GIPC1: variants seen among roughly 807,000 people sequenced by gnomAD.
The protein encoded by GIPC1 is GIPC PDZ domain containing family member 1.
In GIPC1, 15 loss-of-function variants were observed where a neutral mutation model predicts 28.5. That is an observed-to-expected ratio of 0.53 (90% confidence interval 0.35 to 0.81). The LOEUF (loss-of-function observed/expected upper bound fraction) is 0.81, where lower values mean the gene tolerates loss of function less well. GIPC1 is among the 30% of genes least tolerant of loss of function. GIPC1 has a pLI of 0.01. For missense variants in GIPC1, 439 were observed against 481.9 expected, an observed-to-expected ratio of 0.91 and a Z score of 0.83; for synonymous variants, 224 against 206.1, an observed-to-expected ratio of 1.09 and a Z score of -0.74.
In GIPC1 at chr19:14,482,984, G is replaced by T; in HGVS notation, c.-8C>A. On this transcript the variant is annotated 5_prime_UTR_variant, in exon 4 of 9. Coordinates refer to ENST00000393033, the MANE Select transcript of GIPC1 (RefSeq NM_005716.4). The stretch of plus-strand genomic sequence containing the variant: ...CCCCAGTCCCAGCGGCATGAGCAGC[G>T]AGAAGTGGGGTCACCAGAAGATCTG... 6.2e-7 allele frequency: 1 copy of T among 1,608,262 alleles called. No homozygotes were observed.
In GIPC1 at chr19:14,482,927, T is replaced by A; in HGVS notation, c.50A>T (p.Asn17Ile). Reference sequence around the variant, plus strand: ...TCCACGGCCTGGCTCAGCCTCCTCATTTTCCACTAGAGGGGGCGCCTTTTT... The same window carrying A: ...TCCACGGCCTGGCTCAGCCTCCTCAATTTCCACTAGAGGGGGCGCCTTTTT... ...RRKKAPPLVE[N>I]EEAEPGRGGL... The change falls in exon 4 of 9, where the codon AAT (asparagine) becomes ATT (isoleucine). Residue 17 changes from asparagine (N) to isoleucine (I), a missense_variant. By Grantham distance (149) the Asn-to-Ile change is moderately radical. Transcript: ENST00000393033. 6.2e-7 allele frequency: 1 copy of A among 1,610,714 alleles called. No individual in the cohort carries two copies. The highest frequency in any genetic ancestry group is 8.5e-7 in the Non-Finnish European group (1 of 1,179,240).
At position 14,479,474 on chromosome 19, in the gene GIPC1, G is replaced by T; in HGVS notation, c.706C>A (p.Leu236Met). ...AGGRPGSGPQ[L>M]GTGRGTLRLR... ...CGCAGGGTCCCTCGGCCAGTGCCCA[G>T]TTGTGGGCCAGAGCCAGGGCGGCCA... The change falls in exon 7 of 9, where the codon CTG (leucine) becomes ATG (methionine). Residue 236 changes from leucine (L) to methionine (M), a missense_variant. Coordinates refer to ENST00000393033, the MANE Select transcript of GIPC1 (RefSeq NM_005716.4). 6.9e-7 allele frequency: 1 copy of T among 1,444,222 alleles called. No individual in the cohort carries two copies. Among genetic ancestry groups the T allele is most frequent in the Non-Finnish European group, 9.1e-7 (1 of 1,102,064 alleles). 89.5% of individuals were successfully genotyped at this position (1,444,222 alleles called of 1,614,324 possible). A position where few individuals can be genotyped will look rare whatever the true frequency, so the allele number is the denominator to read the frequency against.
intron 3 of GIPC1, among the ~76,000 whole-genome samples, chr19:14,487,609 G>A (rs895119206): frequency 2.0e-5 from 3 of 151,844 alleles, no homozygotes; most frequent in African/African-American, 7.3e-5. Context: ...TCCAGAAGTG[G>A]ACAGTCCGGA....
intron 1 of GIPC1, among the ~76,000 whole-genome samples, chr19:14,494,887 C>G (rs2072044039): frequency 6.6e-6 from 1 of 152,034 alleles, no homozygotes; most frequent in Non-Finnish European, 1.5e-5. Flanking sequence ...CTGGGAAGGG[C>G]CTGAAACTTA....
rs538594867 is a variant in GIPC1 at position 14,490,747 on chromosome 19, G to A, written c.-31+909C>T. 6.2e-4 allele frequency among the ~76,000 whole-genome samples: 94 copies of A among 152,082 alleles called. 3 individuals carry two copies. The highest frequency in any genetic ancestry group is 2.2e-3 in the African/African-American group (90 of 41,484). On this transcript the variant is annotated intron_variant, in intron 3 of 8. Transcript: ENST00000393033. Reference sequence around the variant, plus strand: ...CCAGCACTTTGGGAGTCCAAGGCGGGTGGATCACGAGGTCAGGAGATCGAG... The same window carrying A: ...CCAGCACTTTGGGAGTCCAAGGCGGATGGATCACGAGGTCAGGAGATCGAG...
intron 3 of GIPC1, among the ~76,000 whole-genome samples, chr19:14,485,059 T>C (rs890034429): frequency 3.3e-5 from 5 of 151,444 alleles, no homozygotes; most frequent in Non-Finnish European, 7.4e-5. Context: ...ACTCGAGAGG[T>C]TGAGACGAGA....
chr19:14,485,702 T>TAGAGAG lies in GIPC1; in HGVS notation c.-30-2702_-30-2697dup, dbSNP rs747570310. 7.2e-3 allele frequency among the ~76,000 whole-genome samples: 424 copies of TAGAGAG among 58,662 alleles called. 2 individuals carry two copies. Among genetic ancestry groups the TAGAGAG allele is most frequent in the East Asian group, 0.016 (50 of 3,034 alleles). 38.5% of individuals were successfully genotyped at this position (58,662 alleles called of 152,430 possible). A position where few individuals can be genotyped will look rare whatever the true frequency, so the allele number is the denominator to read the frequency against. On this transcript the variant is annotated intron_variant, in intron 3 of 8. Coordinates refer to ENST00000393033, the MANE Select transcript of GIPC1 (RefSeq NM_005716.4). ...ATAAACAAATATATATATATATATA[T>TAGAGAG]AGAGAGAGAGAGAGAGAGAGAGAGA...
intron 2 of GIPC1, among the ~76,000 whole-genome samples, chr19:14,492,531 C>T (rs750240940): frequency 5.3e-5 from 8 of 152,148 alleles, no homozygotes; most frequent in Non-Finnish European, 8.8e-5. Context: ...TGGTCTCGAT[C>T]CCCTGACCTC....
chr19:14,483,065 A>G (rs2071767404), intron 3 of GIPC1, 59 bp from the exon 4 acceptor site: 2 of 1,184,802 alleles, frequency 1.7e-6, no homozygotes, highest in Non-Finnish European at 1.2e-6. Context: ...CCCCTCCCAC[A>G]CTACTCGAAC....
At chr19:14,481,744 A>AAT in intron 4 of GIPC1, 1 of 143,098 alleles carries the variant, frequency 7.0e-6, no homozygotes, top group African/African-American at 2.6e-5. Flanking sequence ...AAAAAAAAAA[A>AAT]AAATTCATTG....
intron 4 of GIPC1, among the ~76,000 whole-genome samples, chr19:14,481,241 G>A (rs1438774772): frequency 2.6e-5 from 4 of 152,026 alleles, no homozygotes; most frequent in African/African-American, 9.7e-5. Context: ...CGAGTAGCTG[G>A]GACCACAGAC....
At chr19:14,490,092 G>A (rs2071933694) in intron 3 of GIPC1, among the ~76,000 whole-genome samples, 1 of 152,146 alleles carries the variant, frequency 6.6e-6, no homozygotes, top group Non-Finnish European at 1.5e-5. Context: ...TTGGCCAGGT[G>A]CAGTGGCTCA....
chr19:14,494,332 C>G (rs756377383), intron 1 of GIPC1, among the ~76,000 whole-genome samples: 23 of 151,302 alleles, frequency 1.5e-4, no homozygotes, highest in Non-Finnish European at 3.2e-4. Context: ...CCTCAAGCAA[C>G]CCACCCGCCT....
intron 3 of GIPC1, among the ~76,000 whole-genome samples, chr19:14,484,715 G>C (rs1298717945): frequency 6.6e-6 from 1 of 151,498 alleles, no homozygotes; most frequent in African/African-American, 2.4e-5. Flanking sequence ...CCATTGCCTG[G>C]GTGACAGAAT....
intron 1 of GIPC1, among the ~76,000 whole-genome samples, chr19:14,493,358 C>T (rs2072009874): frequency 6.6e-6 from 1 of 152,248 alleles, no homozygotes; most frequent in Non-Finnish European, 1.5e-5. Context: ...TACTGTGACC[C>T]ACAAACCCCT....
intron 1 of GIPC1, among the ~76,000 whole-genome samples, chr19:14,494,271 T>C (rs1035815701): frequency 1.3e-5 from 2 of 152,042 alleles, no homozygotes; most frequent in Admixed American, 6.6e-5. Flanking sequence ...TTTGTATTTT[T>C]AGTAGAGACA....
chr19:14,490,836 G>C (rs1240179089), intron 3 of GIPC1, among the ~76,000 whole-genome samples: 2 of 151,056 alleles, frequency 1.3e-5, no homozygotes, highest in Admixed American at 6.6e-5. Context: ...TTAGCTGGGC[G>C]TGGTGGCACA....
At chr19:14,486,073 A>G (rs1333614134) in intron 3 of GIPC1, among the ~76,000 whole-genome samples, 1 of 152,020 alleles carries the variant, frequency 6.6e-6, no homozygotes, top group Non-Finnish European at 1.5e-5. Flanking sequence ...CCTGGCAAGG[A>G]GGTGATCTTT....
At chr19:14,485,680 A>T (rs1243825284) in intron 3 of GIPC1, among the ~76,000 whole-genome samples, 36 of 71,114 alleles carry the variant, frequency 5.1e-4, no homozygotes, top group Non-Finnish European at 9.9e-4. Context: ...TAAATAAATA[A>T]ACAAATATAT....
Sources: gnomAD v4.1 joint callset for allele counts (sites outside exome capture counted in the v4.1 genomes callset) on GRCh38, gnomAD v4.1.1 for gene constraint, MANE v1.5 for transcripts, NCBI Gene and HGNC (gene_info 2026-07-23, HGNC 2026-07-21) for gene names.